The following NPEPPS variants were observed in gnomAD, a reference collection of about 807,000 sequenced individuals.
The protein encoded by NPEPPS is aminopeptidase puromycin sensitive.
NPEPPS carries 14 observed loss-of-function variants against 115.5 expected under a neutral mutation model. The observed-to-expected ratio is 0.12, with a 90% CI of 0.08 to 0.19. The LOEUF is 0.19. NPEPPS is among the 10% of genes least tolerant of loss of function. NPEPPS has a pLI of 1.00. For synonymous variants in NPEPPS, 285 were observed against 390.6 expected, an observed-to-expected ratio of 0.73 and a Z score of 3.19; for missense variants, 523 against 1,110.8, an observed-to-expected ratio of 0.47 and a Z score of 7.52.
At chr17:47,594,345 A>G (rs1483160193) in intron 12 of NPEPPS, among the ~76,000 whole-genome samples, 1 of 152,002 alleles carries the variant, frequency 6.6e-6, no homozygotes, top group African/African-American at 2.4e-5. Context: ...TAATAAATTA[A>G]CCTTAGCTTA....
chr17:47,590,758 C>T lies in NPEPPS; in HGVS notation c.1137C>T (p.Ser379=). ...THLWLNEGFA[S]WIEYLCVDHC... is the part of the protein sequence containing the mutation. ...TTTGGTTAAATGAAGGTTTTGCATC[C>T]TGGATTGAATATCTGTGTGTAGACC... The change falls in exon 10 of 23, where the codon TCC becomes TCT. Residue 379 remains serine, a synonymous_variant. Transcript: ENST00000322157. The T allele has an allele frequency of 1.2e-6, 2 of 1,601,006 alleles. No homozygotes were observed. Among genetic ancestry groups the T allele is most frequent in the African/African-American group, 1.3e-5 (1 of 74,354 alleles).
chr17:47,524,151 C>CA (rs1267326317), intron 1 of NPEPPS, among the ~76,000 whole-genome samples: 1 of 151,530 alleles, frequency 6.6e-6, no homozygotes, highest in East Asian at 2.0e-4. Context: ...ACTAAAAATA[C>CA]AAAAAATTAG....
chr17:47,601,661 C>T lies in NPEPPS; in HGVS notation c.1654C>T (p.Pro552Ser), dbSNP rs781144700. 1.2e-6 allele frequency: 2 copies of T among 1,611,944 alleles called. No homozygotes were observed. The highest frequency in any genetic ancestry group is 2.7e-5 in the African/African-American group (2 of 74,688). Residue 552 changes from proline to serine, a missense_variant, in exon 15 of 23, where the codon CCC (proline) becomes TCC (serine). By Grantham distance (74) the Pro-to-Ser change is moderately conservative. Transcript: ENST00000322157. ...TATCACAATCTCTACTAGTGAAGACCCCAACCAGGCCAAACTAAAAATTCT... is the reference window on the plus strand; with the variant it reads ...TATCACAATCTCTACTAGTGAAGACTCCAACCAGGCCAAACTAAAAATTCT... Reference protein sequence around the residue: ...VPITISTSEDPNQAKLKILMD... With the variant: ...VPITISTSEDSNQAKLKILMD...
chr17:47,613,669 G>A lies in NPEPPS; in HGVS notation c.2239G>A (p.Val747Ile). The A allele has an allele frequency of 6.2e-7, 1 of 1,608,824 alleles. No homozygotes were observed. The highest frequency in any genetic ancestry group is 8.5e-7 in the Non-Finnish European group (1 of 1,176,886). ...QILSADLRSP[V>I]YLTVLKHGDG... ...ATGACTTATTTTTTGTCCCTTGTAG[G>A]TCTATCTGACTGTTTTGAAGCATGG... Residue 747 changes from valine (V) to isoleucine (I), a missense_variant and splice_region_variant, in exon 19 of 23, where the codon GTC (valine) becomes ATC (isoleucine). By Grantham distance (29) the Val-to-Ile change is conservative. This residue lies in a region of NPEPPS where 372 missense variants were observed against 542.6 expected (regional missense o/e 0.69). Coordinates refer to ENST00000322157, the MANE Select transcript of NPEPPS (RefSeq NM_006310.4).
At chr17:47,542,337 G>A (rs184349884) in intron 1 of NPEPPS, among the ~76,000 whole-genome samples, 103 of 152,002 alleles carry the variant, frequency 6.8e-4, no homozygotes, top group East Asian at 2.5e-3. Flanking sequence ...ACCTGAGGTC[G>A]GGAGTTTGAG....
At chr17:47,554,014 T>G (rs1909831546) in intron 2 of NPEPPS, among the ~76,000 whole-genome samples, 1 of 151,506 alleles carries the variant, frequency 6.6e-6, no homozygotes, top group African/African-American at 2.4e-5. Context: ...CCTCCCAAAT[T>G]GCTGGGATTA....
At chr17:47,611,734 A>G (rs914060887) in intron 17 of NPEPPS, among the ~76,000 whole-genome samples, 5 of 152,150 alleles carry the variant, frequency 3.3e-5, no homozygotes, top group African/African-American at 9.7e-5. Context: ...TGGCATCCCA[A>G]AGTGCTGGGA....
At chr17:47,604,366 A>G (rs1215602608) in intron 16 of NPEPPS, among the ~76,000 whole-genome samples, 1 of 152,196 alleles carries the variant, frequency 6.6e-6, no homozygotes, top group East Asian at 1.9e-4. Context: ...TTTTAAAATA[A>G]TTAAGTCAGA....
At chr17:47,597,167 TTATAA>T (rs35139463) in intron 13 of NPEPPS, among the ~76,000 whole-genome samples, 67,787 of 151,552 alleles carry the variant, frequency 0.45, 16,066 homozygotes, top group East Asian at 0.55. Context: ...TCATACCCAC[TTATAA>T]TATCAATTGT....
At chr17:47,546,712 G>A (rs1434954267) in intron 2 of NPEPPS, among the ~76,000 whole-genome samples, 2 of 151,820 alleles carry the variant, frequency 1.3e-5, no homozygotes, top group Admixed American at 1.3e-4. Context: ...GCTAATTTTT[G>A]TATTTTTAGT....
At chr17:47,523,567 C>CCCG (rs1388603643) in intron 1 of NPEPPS, among the ~76,000 whole-genome samples, 1 of 151,910 alleles carries the variant, frequency 6.6e-6, no homozygotes, top group Non-Finnish European at 1.5e-5. Flanking sequence ...ATTACAGGCA[C>CCCG]CCGCCACCAC....
intron 22 of NPEPPS, 43 bp from the exon 23 acceptor site, chr17:47,621,720 CTTCTT>C: frequency 6.5e-7 from 1 of 1,536,520 alleles, no homozygotes; most frequent in Non-Finnish European, 8.9e-7. Context: ...GTAATATTAA[CTTCTT>C]ATTGCTAGTA....
rs3968300 is a variant in NPEPPS at position 47,585,650 on chromosome 17, C to T, written c.799C>T (p.Arg267Cys). The T allele has an allele frequency of 1.9e-6, 3 of 1,613,732 alleles. No individual in the cohort carries two copies. Among genetic ancestry groups the T allele is most frequent in the Non-Finnish European group, 2.5e-6 (3 of 1,179,840 alleles). ...ETRSKDGVCV[R>C]VYTPVGKAEQ... Reference sequence around the variant, plus strand: ...AAGGTCAAAAGATGGTGTGTGTGTCCGTGTTTACACTCCTGTTGGCAAAGC... The same window carrying T: ...AAGGTCAAAAGATGGTGTGTGTGTCTGTGTTTACACTCCTGTTGGCAAAGC... The change falls in exon 6 of 23, where the codon CGT becomes TGT. Residue 267 changes from arginine to cysteine, a missense_variant. Physicochemically the swap from Arg to Cys is radical, Grantham distance 180. Coordinates refer to ENST00000322157, the MANE Select transcript of NPEPPS (RefSeq NM_006310.4).
chr17:47,584,835 T>C (rs1341526200), intron 5 of NPEPPS, among the ~76,000 whole-genome samples: 2 of 152,150 alleles, frequency 1.3e-5, no homozygotes, highest in African/African-American at 4.8e-5. Flanking sequence ...ATATTATATT[T>C]ATTTATTTTT....
chr17:47,550,421 A>C (rs1195540466), intron 2 of NPEPPS, among the ~76,000 whole-genome samples: 1 of 140,316 alleles, frequency 7.1e-6, no homozygotes, highest in African/African-American at 2.6e-5. Context: ...AGTAGAACTT[A>C]CTTTTTTTTT....
At chr17:47,605,249 G>A in intron 16 of NPEPPS, 84 bp from the exon 17 acceptor site, 1 of 887,262 alleles carries the variant, frequency 1.1e-6, no homozygotes, top group South Asian at 1.7e-5. Context: ...GAAATTGCTA[G>A]CAGTAGATAA....
At chr17:47,618,014 C>T (rs775059545) in intron 19 of NPEPPS, among the ~76,000 whole-genome samples, 4 of 152,056 alleles carry the variant, frequency 2.6e-5, no homozygotes, top group Non-Finnish European at 4.4e-5. Context: ...GCTGGGATTA[C>T]AGGTGGGCAC....
chr17:47,608,581 T>G (rs1913657369), intron 17 of NPEPPS, among the ~76,000 whole-genome samples: 1 of 151,906 alleles, frequency 6.6e-6, no homozygotes, highest in African/African-American at 2.4e-5. Context: ...AAGCCCAGCA[T>G]GGGCAACATA....
chr17:47,525,846 AAT>A (rs1188809936), intron 1 of NPEPPS, among the ~76,000 whole-genome samples: 2 of 152,160 alleles, frequency 1.3e-5, no homozygotes, highest in African/African-American at 4.8e-5. Context: ...TACTGAGAGT[AAT>A]AAAGGAATTA....
Sources: gnomAD v4.1 joint callset for allele counts (sites outside exome capture counted in the v4.1 genomes callset) on GRCh38, gnomAD v4.1.1 for gene constraint, gnomAD v4.1.1 regional missense constraint, MANE v1.5 for transcripts, NCBI Gene and HGNC (gene_info 2026-07-23, HGNC 2026-07-21) for gene names.